Variants in CACNG3 observed in about 807,000 individuals in gnomAD.
The protein encoded by CACNG3 is calcium voltage-gated channel auxiliary subunit gamma 3.
A neutral mutation model predicts 28.5 loss-of-function variants in CACNG3; 3 were observed. The observed-to-expected ratio is 0.11, with a 90% CI of 0.05 to 0.27. CACNG3 has a LOEUF of 0.27. CACNG3 is among the 10% of genes least tolerant of loss of function. CACNG3 has a pLI of 1.00. For missense variants in CACNG3, 236 were observed against 414.4 expected (o/e 0.57, Z 3.74); for synonymous variants, 174 against 162.2 (o/e 1.07, Z -0.55).
Position 24,340,379 on chromosome 16 carries a change from C to T in CACNG3, c.212-6355C>T, listed in dbSNP as rs150302055. On this transcript the variant is annotated intron_variant, in intron 1 of 3. Coordinates refer to ENST00000005284, the MANE Select transcript of CACNG3 (RefSeq NM_006539.4). Reference sequence around the variant, plus strand: ...TGACACTGCTCTCCAGACTGGGCAACAGAGCGAGACCCCGTCTCAAAATAA... The same window carrying T: ...TGACACTGCTCTCCAGACTGGGCAATAGAGCGAGACCCCGTCTCAAAATAA... Among the ~76,000 whole-genome samples, 10 of 152,242 alleles carry T rather than the reference C, an allele frequency of 6.6e-5. No homozygotes were observed. In the East Asian group the frequency reaches 1.9e-3, roughly 29 times the overall value.
At chr16:24,270,026 C>G (rs1291910269) in intron 1 of CACNG3, among the ~76,000 whole-genome samples, 1 of 152,034 alleles carries the variant, frequency 6.6e-6, no homozygotes, top group Non-Finnish European at 1.5e-5. Context: ...GTTTCTATTC[C>G]TTTTGGCTAA....
At chr16:24,292,027 G>A (rs1694553680) in intron 1 of CACNG3, among the ~76,000 whole-genome samples, 1 of 152,126 alleles carries the variant, frequency 6.6e-6, no homozygotes, top group African/African-American at 2.4e-5. Context: ...TGAGGTAAGT[G>A]AGGGGTGGTT....
At chr16:24,296,854 G>A (rs1301332713) in intron 1 of CACNG3, among the ~76,000 whole-genome samples, 1 of 152,180 alleles carries the variant, frequency 6.6e-6, no homozygotes, top group Non-Finnish European at 1.5e-5. Flanking sequence ...TATTTTGGGT[G>A]TGCAAATGGA....
At chr16:24,319,541 C>T (rs1899428680) in intron 1 of CACNG3, among the ~76,000 whole-genome samples, 1 of 152,100 alleles carries the variant, frequency 6.6e-6, no homozygotes, top group African/African-American at 2.4e-5. Context: ...GCAGACTTGA[C>T]CTCCTGGCCT....
chr16:24,361,430 G>A lies in CACNG3; in HGVS notation c.515G>A (p.Ser172Asn). Residue 172 changes from serine (S) to asparagine (N), a missense_variant, in exon 4 of 4, where the codon AGT (serine) becomes AAT (asparagine). By Grantham distance (46) the Ser-to-Asn change is conservative. Coordinates refer to ENST00000005284, the MANE Select transcript of CACNG3 (RefSeq NM_006539.4). This position sits in a 1 kb window ranked among gnomAD's most constrained non-coding sequence, Gnocchi z 6.8. ...CCCGGGCAGCGTGACTCCAAAAAAA[G>A]TTACTCCTATGGTTGGTCCTTTTAT... ...GDPGQRDSKK[S>N]YSYGWSFYFG... 1 of 1,614,022 alleles carries A rather than the reference G, an allele frequency of 6.2e-7. No individual in the cohort carries two copies. The highest frequency in any genetic ancestry group is 1.1e-5 in the South Asian group (1 of 91,050).
At chr16:24,358,567 T>C (rs1596654750) in intron 3 of CACNG3, among the ~76,000 whole-genome samples, 3 of 152,232 alleles carry the variant, frequency 2.0e-5, no homozygotes, top group Admixed American at 2.0e-4. Flanking sequence ...GCCCTCTTGC[T>C]ATGAATCAGA....
In CACNG3 at chr16:24,328,512, C is replaced by A. The variant is rs145199866; in HGVS notation, c.212-18222C>A. Among the ~76,000 whole-genome samples the A allele has an allele frequency of 3.3e-5, 5 of 151,490 alleles. No homozygotes were observed. The East Asian group carries it at 9.7e-4, about 29-fold the overall frequency. On this transcript the variant is annotated intron_variant, in intron 1 of 3. Transcript: ENST00000005284. ...TGTTCAGGGCACAGTTATAAAGCAC[C>A]TACTGTGTATCAGATTGGGTGCAGG...
At chr16:24,286,833 C>T (rs562260277) in intron 1 of CACNG3, among the ~76,000 whole-genome samples, 60 of 152,316 alleles carry the variant, frequency 3.9e-4, no homozygotes, top group Middle Eastern at 6.8e-3. Flanking sequence ...CCAAGACCTA[C>T]GCTCTTAACG....
intron 1 of CACNG3, among the ~76,000 whole-genome samples, chr16:24,295,566 G>A (rs1459623518): frequency 6.6e-6 from 1 of 152,182 alleles, no homozygotes; most frequent in Non-Finnish European, 1.5e-5. Flanking sequence ...CAACTTTAAT[G>A]CCAGGTGTGG....
chr16:24,336,967 A>G (rs1030183949), intron 1 of CACNG3, among the ~76,000 whole-genome samples: 3 of 152,068 alleles, frequency 2.0e-5, no homozygotes, highest in African/African-American at 7.2e-5. Flanking sequence ...GGTGTGTGCC[A>G]CCATGTCCAG....
chr16:24,328,995 T>TC (rs1453817817), intron 1 of CACNG3, among the ~76,000 whole-genome samples: 1 of 152,026 alleles, frequency 6.6e-6, no homozygotes, highest in Non-Finnish European at 1.5e-5. Flanking sequence ...CTAGCAAAGA[T>TC]CCTAAGGGCT....
At chr16:24,267,423 G>A (rs569489586) in intron 1 of CACNG3, among the ~76,000 whole-genome samples, 1 of 152,096 alleles carries the variant, frequency 6.6e-6, no homozygotes, top group East Asian at 1.9e-4. Context: ...GAGTAGCTGC[G>A]ACTACAGGCA....
chr16:24,257,678 T>G (rs923043833), intron 1 of CACNG3, among the ~76,000 whole-genome samples: 3 of 152,346 alleles, frequency 2.0e-5, no homozygotes, highest in Non-Finnish European at 2.9e-5. Flanking sequence ...TGTATCCACC[T>G]GTCTTCATTC....
At position 24,346,715 on chromosome 16, in the gene CACNG3, C is replaced by T; in HGVS notation, c.212-19C>T. On this transcript the variant is annotated intron_variant, in intron 1 of 3. Coordinates refer to ENST00000005284, the MANE Select transcript of CACNG3 (RefSeq NM_006539.4). ...TCTGTCTCCTCCCCCAGGCTCAGAA[C>T]CCTTATCTGTTTCCACAGGGGCTTT... 6.2e-7 allele frequency: 1 copy of T among 1,601,054 alleles called. No homozygotes were observed. The highest frequency in any genetic ancestry group is 8.6e-7 in the Non-Finnish European group (1 of 1,168,090).
At chr16:24,321,854 T>C (rs12923108) in intron 1 of CACNG3, among the ~76,000 whole-genome samples, 52,146 of 152,106 alleles carry the variant, frequency 0.34, 9,164 homozygotes, top group Middle Eastern at 0.39. Flanking sequence ...TTAATTACTG[T>C]TGTTACTCTC....
rs145651633 is a variant in CACNG3 at position 24,347,413 on chromosome 16, G to A, written c.295+596G>A. Among the ~76,000 whole-genome samples the A allele has an allele frequency of 4.1e-3, 626 of 152,292 alleles. 6 individuals are homozygous for A. Among genetic ancestry groups the A allele is most frequent in the African/African-American group, 0.014 (595 of 41,572 alleles). The stretch of plus-strand genomic sequence containing the variant: ...AGGAAGGAAGGCAGGAAGGAAGACA[G>A]AAAAGTAGGTGAGTCAAAACTGAAA... On this transcript the variant is annotated intron_variant, in intron 2 of 3. Transcript: ENST00000005284.
intron 1 of CACNG3, among the ~76,000 whole-genome samples, chr16:24,267,987 C>T (rs1898637652): frequency 6.6e-6 from 1 of 152,102 alleles, no homozygotes; most frequent in Non-Finnish European, 1.5e-5. Context: ...CTGGGCCAGC[C>T]CCTGAGCATT....
In CACNG3 at chr16:24,317,539, C is replaced by CAAA. The variant is rs201724967; in HGVS notation, c.212-29185_212-29183dup. Among the ~76,000 whole-genome samples the CAAA allele has an allele frequency of 1.5e-4, 7 of 47,042 alleles. 1 individual carries two copies. Among genetic ancestry groups the CAAA allele is most frequent in the East Asian group, 1.6e-3 (2 of 1,278 alleles). The allele number at this position is 47,042 out of a possible 152,430, so 30.9% of individuals were successfully genotyped here. A position where few individuals can be genotyped will look rare whatever the true frequency, so the allele number is the denominator to read the frequency against. ...TGGGTGACAGAGGGAGATTCTGTCT[C>CAAA]AAAAAAAAAAAAGAAAAAGAAAGAA... On this transcript the variant is annotated intron_variant, in intron 1 of 3. Transcript: ENST00000005284.
intron 1 of CACNG3, among the ~76,000 whole-genome samples, chr16:24,260,455 A>G (rs1898522820): frequency 1.3e-5 from 2 of 152,216 alleles, no homozygotes; most frequent in African/African-American, 2.4e-5. Flanking sequence ...CTCATTTTAC[A>G]GATGAGGAAA....
Sources: allele counts gnomAD v4.1 joint callset (sites outside exome capture counted in the v4.1 genomes callset), GRCh38; gene constraint gnomAD v4.1.1; non-coding constraint Gnocchi (gnomAD v3.1); transcripts MANE v1.5; gene names NCBI Gene and HGNC (gene_info 2026-07-23, HGNC 2026-07-21).